TTC6: variants seen among roughly 807,000 people sequenced by gnomAD.
TTC6 encodes the protein tetratricopeptide repeat domain 6.
Under a neutral mutation model 210.4 loss-of-function variants are expected in TTC6, and 172 were observed. The ratio of observed to expected loss-of-function variants is 0.82; its 90% CI spans 0.72 to 0.93. The LOEUF (loss-of-function observed/expected upper bound fraction) is 0.93, where lower values mean the gene tolerates loss of function less well. Ranked by LOEUF, TTC6 falls within the 40% of genes least tolerant of loss-of-function variation. TTC6 has a pLI of 0.00. For synonymous variants in TTC6, 804 were observed against 819.6 expected, an observed-to-expected ratio of 0.98 and a Z score of 0.32; for missense variants, 2,414 against 2,318.1, an observed-to-expected ratio of 1.04 and a Z score of -0.85.
chr14:37,810,913 A>G (rs2096128273), intron 24 of TTC6, among the ~76,000 whole-genome samples: 2 of 152,340 alleles, frequency 1.3e-5, no homozygotes, highest in Admixed American at 6.5e-5. Flanking sequence ...CTGACATACA[A>G]TCAAAATATT....
chr14:37,622,822 G>C (rs117168426), exon 1 of TTC6: 114,095 of 1,533,932 alleles, frequency 0.074, 4,898 homozygotes, highest in Non-Finnish European at 0.083. Context: ...GAACAGGAGA[G>C]CTGGCCGCCC....
At chr14:37,664,445 C>A (rs2095743799) in intron 1 of TTC6, among the ~76,000 whole-genome samples, 1 of 150,478 alleles carries the variant, frequency 6.6e-6, no homozygotes, top group African/African-American at 2.4e-5. Flanking sequence ...AAGTGGTTAT[C>A]CATATGTAGA....
intron 25 of TTC6, among the ~76,000 whole-genome samples, chr14:37,814,513 T>A (rs8020231): frequency 0.056 from 8,481 of 152,084 alleles, 750 homozygotes; most frequent in African/African-American, 0.19. Context: ...GAAATGATAA[T>A]ATAGAAGACC....
In TTC6 at chr14:37,804,667, T is replaced by G; in HGVS notation, c.4030-13T>G. ...ACATTTCTTGCCCCCTCCCTGCTTT[T>G]TTATCATTATAGGAAGCTGTGGAAG... is the stretch of plus-strand genomic sequence containing the variant. On this transcript the variant is annotated splice_polypyrimidine_tract_variant and intron_variant, in intron 20 of 30. Transcript: ENST00000553443. The G allele has an allele frequency of 1.2e-6, 2 of 1,605,236 alleles. No homozygotes were observed. The highest frequency in any genetic ancestry group is 1.7e-5 in the Admixed American group (1 of 57,450).
At chr14:37,820,448 T>A (rs929693810) in intron 26 of TTC6, among the ~76,000 whole-genome samples, 4 of 152,226 alleles carry the variant, frequency 2.6e-5, no homozygotes, top group Non-Finnish European at 5.9e-5. Flanking sequence ...ACAACTTATA[T>A]GACGTGGTGA....
chr14:37,830,685 C>G (rs903832135), intron 29 of TTC6, among the ~76,000 whole-genome samples: 1 of 151,340 alleles, frequency 6.6e-6, no homozygotes, highest in African/African-American at 2.4e-5. Flanking sequence ...TTTCTGGGTT[C>G]CTGTATTTCT....
chr14:37,831,173 A>G (rs1430593829), intron 29 of TTC6, among the ~76,000 whole-genome samples: 1 of 152,032 alleles, frequency 6.6e-6, no homozygotes, highest in Non-Finnish European at 1.5e-5. Context: ...GAGCAAGAAC[A>G]TGTGTTGTCT....
Position 37,598,784 on chromosome 14 carries a change from C to G in TTC6, c.-235+2776C>G, listed in dbSNP as rs74981167. Among the ~76,000 whole-genome samples the G allele has an allele frequency of 9.1e-4, 138 of 152,268 alleles. 3 individuals are homozygous for G. The East Asian group carries it at 0.026, about 29-fold the overall frequency. ...CCGGCGGGGCTCTGCGGTGCCCATT[C>G]GAGTCTCTCCAGGGCTTCCCTCTGT... On this transcript the variant is annotated intron_variant, in intron 1 of 2. Transcript: ENST00000556845. This position sits in a 1 kb window ranked among gnomAD's most constrained non-coding sequence, Gnocchi z 4.9.
At chr14:37,812,316 A>G (rs368186271) in exon 25 of TTC6, 1 of 1,609,324 alleles carries the variant, frequency 6.2e-7, no homozygotes, top group Non-Finnish European at 8.5e-7. Context: ...ATTTTTAGGC[A>G]TTAACAGATT....
chr14:37,642,618 G>A (rs1395171650), intron 1 of TTC6, among the ~76,000 whole-genome samples: 1 of 152,168 alleles, frequency 6.6e-6, no homozygotes, highest in Non-Finnish European at 1.5e-5. Flanking sequence ...GGTTATATGA[G>A]TCCCTATCTC....
intron 1 of TTC6, among the ~76,000 whole-genome samples, chr14:37,606,043 C>T (rs1566834562): frequency 6.6e-6 from 1 of 152,052 alleles, no homozygotes; most frequent in Non-Finnish European, 1.5e-5. Flanking sequence ...ACTCCATAAG[C>T]TTAGATGTTA....
upstream of TTC6, among the ~76,000 whole-genome samples, chr14:37,619,318 G>A (rs988521363): frequency 2.0e-5 from 3 of 151,994 alleles, no homozygotes; most frequent in East Asian, 1.9e-4. Context: ...TCAGTTAAAC[G>A]CAATACGACT....
intron 14 of TTC6, among the ~76,000 whole-genome samples, chr14:37,781,905 T>A (rs1027717162): frequency 3.3e-5 from 5 of 152,218 alleles, no homozygotes; most frequent in Admixed American, 1.3e-4. Flanking sequence ...ATTGCTTGTT[T>A]TTGACAGGTT....
chr14:37,716,287 A>G (rs2095852597), intron 6 of TTC6, among the ~76,000 whole-genome samples: 1 of 152,102 alleles, frequency 6.6e-6, no homozygotes, highest in African/African-American at 2.4e-5. Context: ...AAGAAAACAG[A>G]AACAAAAGAA....
At position 37,626,102 on chromosome 14, in the gene TTC6, C is replaced by T. The variant is rs183557964; in HGVS notation, c.939+3099C>T. On this transcript the variant is annotated intron_variant, in intron 1 of 30. Coordinates refer to ENST00000553443, the Ensembl canonical transcript of TTC6. ...GATGTTGCCAGATGAGCCCTTGAGG[C>T]GGGGGCAAAATTATGCCACCCTCTT... Among the ~76,000 whole-genome samples the T allele has an allele frequency of 3.6e-3, 550 of 152,226 alleles. 1 individual carries two copies. The highest frequency in any genetic ancestry group is 9.7e-3 in the Admixed American group (149 of 15,288).
intron 5 of TTC6, among the ~76,000 whole-genome samples, 155 bp downstream of exon 7, chr14:37,701,681 A>G (rs1290772549): frequency 6.6e-6 from 1 of 152,154 alleles, no homozygotes; most frequent in Non-Finnish European, 1.5e-5. Context: ...CCTCAGGTAT[A>G]CAGTCTAGGT....
At chr14:37,836,452 C>T (rs185792998) in intron 29 of TTC6, among the ~76,000 whole-genome samples, 21 of 152,278 alleles carry the variant, frequency 1.4e-4, no homozygotes, top group African/African-American at 3.6e-4. Flanking sequence ...GAGATCTTCA[C>T]CTTTTTCACT....
Position 37,603,888 on chromosome 14 carries a change from G to T in TTC6, c.-234-2775G>T, listed in dbSNP as rs563402953. The stretch of plus-strand genomic sequence containing the variant: ...GGATTCCAATCGAGATACTGCAGGG[G>T]ACTAGCTCTCCCTGAGCCTCAGTTT... On this transcript the variant is annotated intron_variant, in intron 1 of 2. Transcript: ENST00000556845. Among the ~76,000 whole-genome samples, 3 of 152,334 alleles carry T rather than the reference G, an allele frequency of 2.0e-5. No homozygotes were observed. In the East Asian group the frequency reaches 5.8e-4, roughly 29 times the overall value.
At chr14:37,803,386 T>C (rs1265271813) in intron 20 of TTC6, among the ~76,000 whole-genome samples, 2 of 152,352 alleles carry the variant, frequency 1.3e-5, no homozygotes, top group Non-Finnish European at 2.9e-5. Context: ...CAAGCTTTTA[T>C]CCACACAGCA....
Sources: allele counts gnomAD v4.1 joint callset (sites outside exome capture counted in the v4.1 genomes callset), GRCh38; gene constraint gnomAD v4.1.1; non-coding constraint Gnocchi (gnomAD v3.1); transcripts MANE v1.5; gene names NCBI Gene and HGNC (gene_info 2026-07-23, HGNC 2026-07-21).